Variants in ME2 observed in about 807,000 individuals in gnomAD.
ME2 encodes the protein malic enzyme 2.
ME2 carries 60 observed loss-of-function variants against 73.7 expected under a neutral mutation model. The observed-to-expected ratio is 0.81, with a 90% confidence interval of 0.66 to 1.01. ME2 has a LOEUF of 1.01. Among genes scored for constraint, ME2 ranks in the 50% least tolerant of loss-of-function variants. ME2 has a pLI of 0.00. For synonymous variants in ME2, 199 were observed against 236.9 expected, an observed-to-expected ratio of 0.84 and a Z score of 1.47; for missense variants, 594 against 705.5, an observed-to-expected ratio of 0.84 and a Z score of 1.79.
At chr18:50,911,299 C>G (rs1826938561) in intron 3 of ME2, among the ~76,000 whole-genome samples, 1 of 152,164 alleles carries the variant, frequency 6.6e-6, no homozygotes, top group South Asian at 2.1e-4. Flanking sequence ...CTGTTGATAC[C>G]ATTTCTTCCA....
At chr18:50,891,147 G>A (rs1360800024) in intron 1 of ME2, among the ~76,000 whole-genome samples, 1 of 152,156 alleles carries the variant, frequency 6.6e-6, no homozygotes, top group African/African-American at 2.4e-5. Flanking sequence ...CTAACCAGTA[G>A]ACCCAAGGCA....
rs913689257 is a variant in ME2 at position 50,952,029 on chromosome 18, T to C, written c.*4845T>C. The stretch of plus-strand genomic sequence containing the variant: ...TCCATTTAAAGGGAAGTCCTAAGAA[T>C]GAAATGGCACCAGCATCCTGTTTCC... On this transcript the variant is annotated 3_prime_UTR_variant, in exon 16 of 16. Coordinates refer to ENST00000321341, the MANE Select transcript of ME2 (RefSeq NM_002396.5). 6.6e-6 allele frequency: 1 copy of C among 152,110 alleles called. No individual in the cohort carries two copies. Among genetic ancestry groups the C allele is most frequent in the East Asian group, 1.9e-4 (1 of 5,190 alleles). The allele number at this position is 152,110 out of a possible 1,614,324, so 9.4% of individuals were successfully genotyped here. A position where few individuals can be genotyped will look rare whatever the true frequency, so the allele number is the denominator to read the frequency against.
chr18:50,943,474 T>C (rs1163396981), intron 15 of ME2, among the ~76,000 whole-genome samples: 2 of 152,074 alleles, frequency 1.3e-5, no homozygotes, highest in South Asian at 2.1e-4. Flanking sequence ...TAATTGTTTT[T>C]TGCATTTTTG....
chr18:50,881,084 A>G (rs187918538), intron 1 of ME2, among the ~76,000 whole-genome samples: 4 of 152,176 alleles, frequency 2.6e-5, no homozygotes, highest in Non-Finnish European at 5.9e-5. Context: ...GCTGGAGTGC[A>G]GTGTTGCGAT....
rs1916398267 is a variant in ME2 at position 50,884,150 on chromosome 18, G to A, written c.-13+4842G>A. On this transcript the variant is annotated intron_variant, in intron 1 of 15. Transcript: ENST00000321341. ...TTTTTTTTTAATTATGCCTACTAAAGACACTATTAAAATTACTTTTATATT... is the reference window on the plus strand; with the variant it reads ...TTTTTTTTTAATTATGCCTACTAAAAACACTATTAAAATTACTTTTATATT... Among the ~76,000 whole-genome samples the A allele has an allele frequency of 2.6e-5, 4 of 151,696 alleles. No individual in the cohort carries two copies. In the South Asian group the frequency reaches 8.3e-4, roughly 32 times the overall value.
At chr18:50,920,426 C>A in intron 7 of ME2, 30 bp from the exon 8 acceptor site, 1 of 1,412,024 alleles carries the variant, frequency 7.1e-7, no homozygotes, top group Non-Finnish European at 9.8e-7. Flanking sequence ...TTATTTTCAA[C>A]ACAACTATTG....
At chr18:50,945,712 A>G (rs9958074) in intron 15 of ME2, among the ~76,000 whole-genome samples, 74,866 of 151,900 alleles carry the variant, frequency 0.49, 18,955 homozygotes, top group South Asian at 0.67. Context: ...TTAGAGGAGG[A>G]GAGCGACATC....
At chr18:50,929,847 T>C (rs893250044) in intron 12 of ME2, among the ~76,000 whole-genome samples, 13 of 152,200 alleles carry the variant, frequency 8.5e-5, no homozygotes, top group African/African-American at 2.9e-4. Context: ...TCATGGATCG[T>C]TGACATTTCC....
intron 1 of ME2, among the ~76,000 whole-genome samples, chr18:50,889,217 C>T (rs112668943): frequency 6.6e-6 from 1 of 152,124 alleles, no homozygotes; most frequent in Non-Finnish European, 1.5e-5. Context: ...ATGCTAGTCA[C>T]CTGAGGTGAC....
chr18:50,940,264 G>C, intron 14 of ME2, 24 bp from the exon 15 acceptor site: 1 of 1,541,874 alleles, frequency 6.5e-7, no homozygotes, highest in Non-Finnish European at 8.9e-7. Flanking sequence ...ACAAACAAAA[G>C]CAAAATGCTG....
intron 11 of ME2, among the ~76,000 whole-genome samples, chr18:50,925,178 T>C (rs1346222241): frequency 6.6e-6 from 1 of 152,160 alleles, no homozygotes; most frequent in African/African-American, 2.4e-5. Context: ...AAGATAGTCA[T>C]ATACTCTTTT....
intron 13 of ME2, chr18:50,935,413 C>T (rs1312843280): frequency 1.3e-5 from 2 of 151,662 alleles, no homozygotes; most frequent in Non-Finnish European, 2.9e-5. Context: ...AGACAAGTAC[C>T]ACTAAATTCT....
At chr18:50,928,292 C>T (rs1917612116) in intron 12 of ME2, among the ~76,000 whole-genome samples, 1 of 149,646 alleles carries the variant, frequency 6.7e-6, no homozygotes. Context: ...GTTGCCCAGG[C>T]TAGAGTGCAG....
intron 11 of ME2, 52 bp from the exon 12 acceptor site, chr18:50,925,704 T>A: frequency 6.6e-7 from 1 of 1,504,934 alleles, no homozygotes; most frequent in South Asian, 1.1e-5. Context: ...TTGATAAGCA[T>A]TGCTTTTATA....
chr18:50,889,390 G>A (rs1328508589), intron 1 of ME2, among the ~76,000 whole-genome samples: 1 of 152,160 alleles, frequency 6.6e-6, no homozygotes, highest in African/African-American at 2.4e-5. Context: ...CTGAGCTTCT[G>A]GGTTGCTGAA....
At chr18:50,894,951 G>A (rs1427965483) in intron 1 of ME2, among the ~76,000 whole-genome samples, 3 of 148,932 alleles carry the variant, frequency 2.0e-5, no homozygotes, top group African/African-American at 7.4e-5. Flanking sequence ...TGATATATGA[G>A]CTTCAAAAAA....
chr18:50,953,096 T>C lies in ME2; in HGVS notation c.*5912T>C, dbSNP rs2144289684. ...AGATGAGAATTCTCACTTATTCTTT[T>C]TTTTTTTTTTTTTTCTTTTCTTTGA... On this transcript the variant is annotated 3_prime_UTR_variant, in exon 16 of 16. Coordinates refer to ENST00000321341, the MANE Select transcript of ME2 (RefSeq NM_002396.5). 6.6e-6 allele frequency: 1 copy of C among 151,276 alleles called. No individual in the cohort carries two copies. Among genetic ancestry groups the C allele is most frequent in the African/African-American group, 2.4e-5 (1 of 41,176 alleles). The allele number at this position is 151,276 out of a possible 1,614,324, so 9.4% of individuals were successfully genotyped here. A position where few individuals can be genotyped will look rare whatever the true frequency, so the allele number is the denominator to read the frequency against.
chr18:50,921,250 ATAT>A, intron 10 of ME2, 63 bp downstream of exon 10: 1 of 801,336 alleles, frequency 1.2e-6, no homozygotes, highest in Non-Finnish European at 1.9e-6. Flanking sequence ...GATTTTTAAA[ATAT>A]TATTCCTTAA....
chr18:50,899,059 T>A (rs1916822991), intron 2 of ME2, among the ~76,000 whole-genome samples: 1 of 152,228 alleles, frequency 6.6e-6, no homozygotes, highest in Non-Finnish European at 1.5e-5. Context: ...TCTTCATCTG[T>A]ATTTACAGCC....
Sources: allele counts gnomAD v4.1 joint callset (sites outside exome capture counted in the v4.1 genomes callset), GRCh38; gene constraint gnomAD v4.1.1; transcripts MANE v1.5; gene names NCBI Gene and HGNC (gene_info 2026-07-23, HGNC 2026-07-21).